The following GALNT17 variants were observed in gnomAD, a reference collection of about 807,000 sequenced individuals.
GALNT17 encodes polypeptide N-acetylgalactosaminyltransferase 17, also known as UDP-GalNAc:polypeptide N-acetylgalactosaminyltransferase-like 3.
Under a neutral mutation model 63.7 loss-of-function variants are expected in GALNT17, and 29 were observed. The ratio of observed to expected loss-of-function variants is 0.46; its 90% CI spans 0.34 to 0.62. The LOEUF (loss-of-function observed/expected upper bound fraction) is 0.62. Ranked by LOEUF, GALNT17 falls within the 20% of genes least tolerant of loss-of-function variation. The pLI is 0.01. For synonymous variants in GALNT17, 305 were observed against 318.3 expected, an observed-to-expected ratio of 0.96 and a Z score of 0.45; for missense variants, 603 against 799.6, an observed-to-expected ratio of 0.75 and a Z score of 2.97.
chr7:71,568,923 C>T (rs1383224016), intron 5 of GALNT17, among the ~76,000 whole-genome samples: 2 of 152,098 alleles, frequency 1.3e-5, no homozygotes, highest in African/African-American at 4.8e-5. Context: ...TCAACCACTG[C>T]ACATATATGC....
intron 1 of GALNT17, among the ~76,000 whole-genome samples, chr7:71,323,266 T>A (rs1364811586): frequency 2.0e-5 from 3 of 152,178 alleles, no homozygotes; most frequent in African/African-American, 7.2e-5. Context: ...AGGAATGCAG[T>A]GTACCACAAG....
intron 1 of GALNT17, among the ~76,000 whole-genome samples, chr7:71,177,558 G>A (rs1251224723): frequency 6.6e-6 from 1 of 152,110 alleles, no homozygotes; most frequent in Non-Finnish European, 1.5e-5. Flanking sequence ...CTGGGGAGAA[G>A]GGGGAAAGTA....
intron 2 of GALNT17, among the ~76,000 whole-genome samples, chr7:71,362,542 CA>C (rs771033728): frequency 4.6e-5 from 7 of 152,156 alleles, no homozygotes; most frequent in Non-Finnish European, 1.0e-4. Context: ...TCAAGATTAA[CA>C]AAGAAATTCA....
At chr7:71,490,768 C>T (rs1021706977) in intron 5 of GALNT17, among the ~76,000 whole-genome samples, 3 of 152,040 alleles carry the variant, frequency 2.0e-5, no homozygotes, top group Non-Finnish European at 4.4e-5. Flanking sequence ...GGCAAGGTGG[C>T]ATGTGCCTGT....
At chr7:71,302,529 C>A (rs780651519) in intron 1 of GALNT17, among the ~76,000 whole-genome samples, 19 of 151,646 alleles carry the variant, frequency 1.3e-4, no homozygotes, top group Non-Finnish European at 2.6e-4. Flanking sequence ...ATGTGCAGGG[C>A]CATGTGCACA....
At chr7:71,279,367 G>T (rs774298391) in intron 1 of GALNT17, among the ~76,000 whole-genome samples, 5 of 152,004 alleles carry the variant, frequency 3.3e-5, no homozygotes, top group Non-Finnish European at 7.4e-5. Flanking sequence ...GAGGGTAACT[G>T]CCCCCATGAT....
At chr7:71,205,458 TA>T (rs980475747) in intron 1 of GALNT17, among the ~76,000 whole-genome samples, 2 of 152,162 alleles carry the variant, frequency 1.3e-5, no homozygotes, top group African/African-American at 2.4e-5. Context: ...GGCCACTTTT[TA>T]CTTTTTTCAA....
intron 5 of GALNT17, among the ~76,000 whole-genome samples, chr7:71,512,390 G>A (rs935105205): frequency 1.3e-5 from 2 of 152,100 alleles, no homozygotes; most frequent in Non-Finnish European, 2.9e-5. Context: ...GTAGCCCAGG[G>A]TAGCTGTTCT....
intron 6 of GALNT17, among the ~76,000 whole-genome samples, chr7:71,606,189 A>T (rs4717606): frequency 0.44 from 66,527 of 149,874 alleles, 16,798 homozygotes; most frequent in East Asian, 0.75. Flanking sequence ...TCCTGGGCTC[A>T]AGCAGTCTGC....
chr7:71,543,800 C>CTTT lies in GALNT17; in HGVS notation c.963-27477_963-27475dup, dbSNP rs71089957. ...CTTTCTTCCTTTCTTTCTTTTCTTTCTTTTTTTTTTGAGATGGAGTCTTGT... is the reference window on the plus strand; with the variant it reads ...CTTTCTTCCTTTCTTTCTTTTCTTTCTTTTTTTTTTTTTGAGATGGAGTCTTGT... On this transcript the variant is annotated intron_variant, in intron 5 of 10. Coordinates refer to ENST00000333538, the MANE Select transcript of GALNT17 (RefSeq NM_022479.3). 2.0e-3 allele frequency among the ~76,000 whole-genome samples: 291 copies of CTTT among 146,968 alleles called. 1 individual carries two copies. The highest frequency in any genetic ancestry group is 7.0e-3 in the Middle Eastern group (2 of 286).
At chr7:71,369,684 G>A (rs969346327) in intron 2 of GALNT17, among the ~76,000 whole-genome samples, 3 of 151,776 alleles carry the variant, frequency 2.0e-5, no homozygotes, top group East Asian at 1.9e-4. Context: ...GTCATGGCAC[G>A]CGCCTGTAAT....
intron 1 of GALNT17, among the ~76,000 whole-genome samples, chr7:71,235,252 G>GAA (rs751761194): frequency 1.0e-4 from 14 of 138,662 alleles, no homozygotes; most frequent in African/African-American, 3.2e-4. Flanking sequence ...CTCCATCTCG[G>GAA]AAAAAAAAAA....
At chr7:71,397,416 C>T (rs2116373692) in intron 3 of GALNT17, among the ~76,000 whole-genome samples, 1 of 152,150 alleles carries the variant, frequency 6.6e-6, no homozygotes, top group Non-Finnish European at 1.5e-5. Flanking sequence ...CAGGTCAAAG[C>T]AGAACATGTC....
At position 71,665,394 on chromosome 7, in the gene GALNT17, A is replaced by G; in HGVS notation, c.1081-17A>G. ...GGGAATTTCTTTTTCAGGCTGATGA[A>G]ATCTTTGTACCCCTAGGTATGGCTC... On this transcript the variant is annotated splice_polypyrimidine_tract_variant and intron_variant, in intron 6 of 10. Transcript: ENST00000333538. 1.3e-6 allele frequency: 2 copies of G among 1,583,868 alleles called. No homozygotes were observed. The highest frequency in any genetic ancestry group is 4.5e-5 in the East Asian group (2 of 44,458).
chr7:71,242,308 C>T (rs1467919955), intron 1 of GALNT17, among the ~76,000 whole-genome samples: 1 of 129,068 alleles, frequency 7.7e-6, no homozygotes, highest in Non-Finnish European at 1.6e-5. Context: ...CTCACTCTGT[C>T]GCCCAGGCTG....
intron 1 of GALNT17, among the ~76,000 whole-genome samples, chr7:71,249,667 T>G (rs1790161313): frequency 6.6e-6 from 1 of 152,262 alleles, no homozygotes; most frequent in African/African-American, 2.4e-5. Flanking sequence ...GATTTAATAC[T>G]TTGTGATAGA....
chr7:71,225,858 A>T (rs868778886), intron 1 of GALNT17, among the ~76,000 whole-genome samples: 10 of 152,320 alleles, frequency 6.6e-5, no homozygotes, highest in Middle Eastern at 3.4e-3. Context: ...AATGATGTTG[A>T]TGTATATTTT....
At chr7:71,387,898 G>T (rs1327344482) in intron 2 of GALNT17, among the ~76,000 whole-genome samples, 1 of 152,084 alleles carries the variant, frequency 6.6e-6, no homozygotes, top group African/African-American at 2.4e-5. Context: ...TTTGTTTCAG[G>T]CTCTGTTTCT....
intron 1 of GALNT17, among the ~76,000 whole-genome samples, chr7:71,320,427 T>G (rs1791585968): frequency 6.6e-6 from 1 of 151,976 alleles, no homozygotes; most frequent in South Asian, 2.1e-4. Context: ...AAAAAAATTT[T>G]TTTTTTAGAG....
Sources: allele counts gnomAD v4.1 joint callset (sites outside exome capture counted in the v4.1 genomes callset), GRCh38; gene constraint gnomAD v4.1.1; transcripts MANE v1.5; gene names NCBI Gene and HGNC (gene_info 2026-07-23, HGNC 2026-07-21).